Variants in ANK3 observed in about 807,000 individuals in gnomAD.
ANK3 encodes the protein ankyrin-3.
Under a neutral mutation model 370.9 loss-of-function variants are expected in ANK3, and 57 were observed. That is an observed-to-expected ratio of 0.15 (90% confidence interval 0.12 to 0.19). ANK3 has a LOEUF of 0.19. Among genes scored for constraint, ANK3 ranks in the 10% least tolerant of loss-of-function variants. The pLI, the probability that ANK3 is intolerant of heterozygous loss-of-function variation, is 1.00. For synonymous variants in ANK3, 1,929 were observed against 1,946.3 expected (o/e 0.99, Z 0.23); for missense variants, 4,439 against 5,302.1 (o/e 0.84, Z 5.06).
intron 11 of ANK3, among the ~76,000 whole-genome samples, chr10:60,205,328 C>T (rs544067323): frequency 1.2e-4 from 19 of 152,248 alleles, no homozygotes; most frequent in East Asian, 3.9e-4. Context: ...TTGAATCAGA[C>T]GACTTTTTGT....
chr10:60,434,004 T>C (rs571603611), intron 2 of ANK3, among the ~76,000 whole-genome samples: 1 of 152,264 alleles, frequency 6.6e-6, no homozygotes. Context: ...AAGTACCAGC[T>C]ATGTTTATTA....
chr10:60,477,463 A>G (rs2075096742), intron 2 of ANK3, among the ~76,000 whole-genome samples: 2 of 151,526 alleles, frequency 1.3e-5, no homozygotes, highest in African/African-American at 2.4e-5. Context: ...AGTTGGGGCT[A>G]CGAAGTACAG....
At chr10:60,661,778 T>C (rs1445085040) in intron 1 of ANK3, among the ~76,000 whole-genome samples, 1 of 152,166 alleles carries the variant, frequency 6.6e-6, no homozygotes, top group Non-Finnish European at 1.5e-5. Context: ...GCAACAAGAA[T>C]GATGCCGGCC....
chr10:60,583,076 A>G (rs1357571279), intron 2 of ANK3, among the ~76,000 whole-genome samples: 2 of 152,240 alleles, frequency 1.3e-5, no homozygotes, highest in African/African-American at 4.8e-5. Context: ...TCATTGCAGC[A>G]CTATTCACAA....
rs751902582 is a variant in ANK3 at position 60,068,843 on chromosome 10, C to T, written c.12038G>A (p.Arg4013His). The part of the protein sequence containing the change: ...ISGETLKLVD[R>H]LSEEEKKMQS... ...CATCTTTTTTTCTTCTTCAGAGAGG[C>T]GGTCCACAAGCTTTAAGGTCTCACC... Residue 4013 changes from arginine (R) to histidine (H), a missense_variant, in exon 37 of 44, where the codon CGC (arginine) becomes CAC (histidine). Coordinates refer to ENST00000280772, the MANE Select transcript of ANK3 (RefSeq NM_020987.5). 32 of 1,613,996 alleles carry T rather than the reference C, an allele frequency of 2.0e-5. 1 individual carries two copies. The highest frequency in any genetic ancestry group is 2.0e-4 in the South Asian group (18 of 91,080).
At chr10:60,029,875 C>CTTTTTCTTTT (rs2072915122) in intron 43 of ANK3, 49 bp from the exon 44 acceptor site, 9 of 68,652 alleles carry the variant, frequency 1.3e-4, no homozygotes, top group African/African-American at 5.9e-4. Flanking sequence ...TTTTCTTTTT[C>CTTTTTCTTTT]TTTTTTTTTT....
chr10:60,648,083 G>A (rs1275474733), intron 1 of ANK3, among the ~76,000 whole-genome samples: 1 of 150,882 alleles, frequency 6.6e-6, no homozygotes, highest in Non-Finnish European at 1.5e-5. Context: ...TTGACCTCGT[G>A]ATCCACCCAC....
chr10:60,334,691 A>C (rs1446276070), intron 1 of ANK3, among the ~76,000 whole-genome samples: 1 of 152,160 alleles, frequency 6.6e-6, no homozygotes, highest in Non-Finnish European at 1.5e-5. Flanking sequence ...AATTTTTCTT[A>C]GCTAAAAAAA....
At chr10:60,155,213 C>T (rs938554149) in intron 23 of ANK3, among the ~76,000 whole-genome samples, 2 of 152,148 alleles carry the variant, frequency 1.3e-5, no homozygotes, top group Non-Finnish European at 2.9e-5. Context: ...CTACACCACC[C>T]CTCCCCCAGC....
At chr10:60,326,099 G>T (rs1241788482) in intron 1 of ANK3, among the ~76,000 whole-genome samples, 1 of 152,096 alleles carries the variant, frequency 6.6e-6, no homozygotes, top group Non-Finnish European at 1.5e-5. Flanking sequence ...GGCACAGAGA[G>T]GGGAACAACA....
At chr10:60,648,102 C>T (rs1325239407) in intron 1 of ANK3, among the ~76,000 whole-genome samples, 1 of 151,470 alleles carries the variant, frequency 6.6e-6, no homozygotes, top group Non-Finnish European at 1.5e-5. Context: ...ACCTCAGCCT[C>T]CCAAAGTGCT....
intron 1 of ANK3, among the ~76,000 whole-genome samples, chr10:60,641,768 A>T (rs1270130505): frequency 2.6e-5 from 4 of 152,182 alleles, no homozygotes; most frequent in Admixed American, 6.5e-5. Flanking sequence ...AACAAAAGCC[A>T]AAATTGACAA....
At chr10:60,284,919 C>T (rs1344014783) in intron 1 of ANK3, among the ~76,000 whole-genome samples, 1 of 152,086 alleles carries the variant, frequency 6.6e-6, no homozygotes, top group African/African-American at 2.4e-5. Context: ...ATGCTCCTTC[C>T]TGTAAACTTC....
chr10:60,472,951 C>G (rs1341167874), intron 2 of ANK3, among the ~76,000 whole-genome samples: 2 of 152,136 alleles, frequency 1.3e-5, no homozygotes, highest in African/African-American at 4.8e-5. Flanking sequence ...CACCTGATAA[C>G]AAGGGCAGCA....
intron 18 of ANK3, among the ~76,000 whole-genome samples, chr10:60,180,899 T>A (rs1374914162): frequency 6.6e-6 from 1 of 151,998 alleles, no homozygotes; most frequent in Non-Finnish European, 1.5e-5. Context: ...AGCAAGTGAG[T>A]AATATTTAAA....
intron 2 of ANK3, among the ~76,000 whole-genome samples, chr10:60,522,749 A>T (rs1250805452): frequency 6.6e-6 from 1 of 152,134 alleles, no homozygotes; most frequent in Non-Finnish European, 1.5e-5. Context: ...GTTAAAGGAT[A>T]TTTTTAAAGA....
intron 1 of ANK3, among the ~76,000 whole-genome samples, chr10:60,637,771 A>T (rs2078575233): frequency 6.6e-6 from 1 of 152,220 alleles, no homozygotes; most frequent in Non-Finnish European, 1.5e-5. Context: ...ACCCAACTAC[A>T]TAATATTTCT....
chr10:60,214,339 A>G (rs567147511), intron 8 of ANK3, among the ~76,000 whole-genome samples: 1 of 152,294 alleles, frequency 6.6e-6, no homozygotes, highest in African/African-American at 2.4e-5. Context: ...TCTGAATTCC[A>G]TGTGAAAAAT....
intron 1 of ANK3, among the ~76,000 whole-genome samples, chr10:60,283,427 A>G (rs952959819): frequency 3.3e-5 from 5 of 152,114 alleles, no homozygotes; most frequent in African/African-American, 1.2e-4. Context: ...ATTACTATGG[A>G]GGAAATTAGG....
Sources: allele counts gnomAD v4.1 joint callset (sites outside exome capture counted in the v4.1 genomes callset), GRCh38; gene constraint gnomAD v4.1.1; transcripts MANE v1.5; gene names NCBI Gene and HGNC (gene_info 2026-07-23, HGNC 2026-07-21).